WDPCP: variants seen among roughly 807,000 people sequenced by gnomAD.
The protein encoded by WDPCP is WD repeat-containing and planar cell polarity effector protein fritz homolog.
A neutral mutation model predicts 93.1 loss-of-function variants in WDPCP; 71 were observed. The ratio of observed to expected loss-of-function variants is 0.76; its 90% CI spans 0.63 to 0.93. The LOEUF (loss-of-function observed/expected upper bound fraction) is 0.93, where lower values mean the gene tolerates loss of function less well. WDPCP is among the 40% of genes least tolerant of loss of function. The probability of loss-of-function intolerance (pLI) is 0.00; values close to 1 mark genes in which losing one functional copy is unlikely to be tolerated. For missense variants in WDPCP, 844 were observed against 887.4 expected (o/e 0.95, Z 0.62); for synonymous variants, 315 against 315.0 (o/e 1.00, Z 0.00).
intron 1 of WDPCP, among the ~76,000 whole-genome samples, chr2:63,528,508 T>A (rs906143579): frequency 6.6e-6 from 1 of 152,222 alleles, no homozygotes; most frequent in Non-Finnish European, 1.5e-5. Context: ...ATCAGGTTTG[T>A]CAAAGATCAG....
chr2:63,620,572 G>A (rs1709724441), intron 3 of WDPCP, among the ~76,000 whole-genome samples: 3 of 152,206 alleles, frequency 2.0e-5, no homozygotes, highest in Admixed American at 6.5e-5. Context: ...GAGCACCTGG[G>A]GGAAGGGGTG....
chr2:63,364,669 C>G (rs780674030), intron 12 of WDPCP, among the ~76,000 whole-genome samples: 2 of 152,146 alleles, frequency 1.3e-5, no homozygotes, highest in African/African-American at 4.8e-5. Flanking sequence ...ACCTCTTAAT[C>G]CATTCTCACA....
intron 9 of WDPCP, among the ~76,000 whole-genome samples, chr2:63,427,126 G>A (rs1011505508): frequency 6.6e-5 from 10 of 152,116 alleles, no homozygotes; most frequent in South Asian, 2.1e-4. Context: ...AGACTTAGCC[G>A]CACAATAATA....
At chr2:63,702,120 G>A (rs969637083) in intron 2 of WDPCP, among the ~76,000 whole-genome samples, 57 of 152,126 alleles carry the variant, frequency 3.7e-4, no homozygotes, top group African/African-American at 1.3e-3. Flanking sequence ...CCGCCTCCTA[G>A]GTTCAAGCGA....
chr2:63,238,174 G>A (rs2104617925), intron 14 of WDPCP, among the ~76,000 whole-genome samples: 1 of 152,040 alleles, frequency 6.6e-6, no homozygotes. Context: ...ATTCTTCAAA[G>A]GTTATTTTTG....
intron 3 of WDPCP, among the ~76,000 whole-genome samples, chr2:63,644,663 T>C (rs1229321093): frequency 1.3e-5 from 2 of 152,210 alleles, no homozygotes; most frequent in African/African-American, 2.4e-5. Flanking sequence ...TGTGACACTT[T>C]TTATTATGAC....
chr2:63,556,095 C>A (rs1310168138), intron 1 of WDPCP, among the ~76,000 whole-genome samples: 1 of 152,106 alleles, frequency 6.6e-6, no homozygotes, highest in Non-Finnish European at 1.5e-5. Context: ...AAGCTAAGAA[C>A]CATGAGAAAA....
Position 63,366,126 on chromosome 2 carries a change from C to A in WDPCP, c.1748+12260G>T, listed in dbSNP as rs539329961. On this transcript the variant is annotated intron_variant, in intron 12 of 17. Coordinates refer to ENST00000272321, the MANE Select transcript of WDPCP (RefSeq NM_015910.7). ...TAATTCTCCCAAATCCAGGATGACT[C>A]TCTTACTAGTTTGATATGTGGGGTT... Among the ~76,000 whole-genome samples the A allele has an allele frequency of 1.8e-3, 270 of 152,208 alleles. 1 individual carries two copies. Among genetic ancestry groups the A allele is most frequent in the Non-Finnish European group, 2.9e-3 (194 of 68,000 alleles).
intron 2 of WDPCP, among the ~76,000 whole-genome samples, chr2:63,730,277 C>T (rs566382918): frequency 2.0e-4 from 30 of 151,996 alleles, no homozygotes; most frequent in African/African-American, 7.2e-4. Context: ...TACTATGTGA[C>T]AGAACCAGGA....
At chr2:63,265,777 AC>A (rs1682057266) in intron 13 of WDPCP, among the ~76,000 whole-genome samples, 1 of 152,152 alleles carries the variant, frequency 6.6e-6, no homozygotes, top group Non-Finnish European at 1.5e-5. Context: ...ATACTATCAA[AC>A]CAAATTCAGT....
chr2:63,604,096 T>TAC (rs1218563427), intron 3 of WDPCP, among the ~76,000 whole-genome samples: 1 of 152,036 alleles, frequency 6.6e-6, no homozygotes, highest in Non-Finnish European at 1.5e-5. Context: ...TATATGTGTG[T>TAC]ACACACACAC....
intron 3 of WDPCP, among the ~76,000 whole-genome samples, chr2:63,623,993 C>T (rs771843654): frequency 1.3e-5 from 2 of 152,144 alleles, no homozygotes; most frequent in African/African-American, 4.8e-5. Context: ...TCACTCAAAC[C>T]ATAGTGCAAT....
intron 6 of WDPCP, among the ~76,000 whole-genome samples, chr2:63,463,424 C>T (rs1699149619): frequency 6.6e-6 from 1 of 152,078 alleles, no homozygotes; most frequent in African/African-American, 2.4e-5. Flanking sequence ...TATGATGGTA[C>T]CTGGAGGAGA....
chr2:63,241,151 T>C (rs1012027344), intron 14 of WDPCP, among the ~76,000 whole-genome samples: 2 of 152,204 alleles, frequency 1.3e-5, no homozygotes, highest in East Asian at 3.8e-4. Context: ...TACTGAAAAC[T>C]GTACATCTCT....
chr2:63,374,853 T>C (rs1200015347), intron 12 of WDPCP, among the ~76,000 whole-genome samples: 1 of 152,072 alleles, frequency 6.6e-6, no homozygotes, highest in Non-Finnish European at 1.5e-5. Context: ...ATCCATCAAT[T>C]CATATTACTT....
At chr2:63,714,214 C>A (rs545429933) in intron 2 of WDPCP, among the ~76,000 whole-genome samples, 5 of 151,852 alleles carry the variant, frequency 3.3e-5, no homozygotes, top group Non-Finnish European at 7.4e-5. Context: ...CGCCACCATG[C>A]CCAGCTAGTT....
intron 15 of WDPCP, among the ~76,000 whole-genome samples, chr2:63,170,613 T>G (rs1244241653): frequency 6.6e-6 from 1 of 152,188 alleles, no homozygotes; most frequent in East Asian, 1.9e-4. Flanking sequence ...TATACCCAGT[T>G]GCTTATTCCA....
At chr2:63,538,094 A>G (rs1297325341) in intron 1 of WDPCP, among the ~76,000 whole-genome samples, 1 of 152,144 alleles carries the variant, frequency 6.6e-6, no homozygotes, top group Non-Finnish European at 1.5e-5. Context: ...ATAAATCTTA[A>G]ACTTTAAAGA....
intron 12 of WDPCP, among the ~76,000 whole-genome samples, chr2:63,372,980 G>A (rs555078077): frequency 8.7e-4 from 132 of 152,094 alleles, no homozygotes; most frequent in South Asian, 6.2e-3. Context: ...AAAATTAGCC[G>A]GGCATGGTGG....
Sources: gnomAD v4.1 joint callset for allele counts (sites outside exome capture counted in the v4.1 genomes callset) on GRCh38, gnomAD v4.1.1 for gene constraint, MANE v1.5 for transcripts, NCBI Gene and HGNC (gene_info 2026-07-23, HGNC 2026-07-21) for gene names.